ENKUR: variants seen among roughly 807,000 people sequenced by gnomAD.
The protein encoded by ENKUR is enkurin.
In ENKUR, 19 loss-of-function variants were observed where a neutral mutation model predicts 27.6. The observed-to-expected ratio is 0.69, with a 90% CI of 0.48 to 1.01. The LOEUF (loss-of-function observed/expected upper bound fraction) is 1.01, where lower values mean the gene tolerates loss of function less well. ENKUR is among the 50% of genes least tolerant of loss of function. The pLI, the probability that ENKUR is intolerant of heterozygous loss-of-function variation, is 0.00. For missense variants in ENKUR, 312 were observed against 310.5 expected (o/e 1.00, Z -0.04); for synonymous variants, 117 against 96.9 (o/e 1.21, Z -1.22).
At chr10:25,010,439 A>AT (rs374837869) in intron 1 of ENKUR, among the ~76,000 whole-genome samples, 3 of 151,478 alleles carry the variant, frequency 2.0e-5, no homozygotes, top group Non-Finnish European at 2.9e-5. Flanking sequence ...ATTGGAACTC[A>AT]TTTTTTTTAT....
chr10:25,016,723 A>G (rs1196028802), upstream of ENKUR: 1 of 152,336 alleles, frequency 6.6e-6, no homozygotes, highest in Non-Finnish European at 1.5e-5. Context: ...TGGAGGCTTT[A>G]GCGGCTCGTG....
intron 2 of ENKUR, among the ~76,000 whole-genome samples, chr10:25,049,861 G>A (rs988085434): frequency 9.2e-5 from 14 of 151,512 alleles, no homozygotes; most frequent in Non-Finnish European, 1.5e-4. Context: ...AGACAGTAGT[G>A]TATTAGACCA....
At chr10:25,059,060 CT>C (rs1422350297) in intron 2 of ENKUR, among the ~76,000 whole-genome samples, 3 of 151,524 alleles carry the variant, frequency 2.0e-5, no homozygotes, top group Non-Finnish European at 4.4e-5. Context: ...TAGTTTTCCC[CT>C]TTGTAGTCTA....
At chr10:25,007,466 G>A (rs566545756) in intron 1 of ENKUR, among the ~76,000 whole-genome samples, 57 of 152,020 alleles carry the variant, frequency 3.7e-4, no homozygotes, top group African/African-American at 1.3e-3. Context: ...ATGGAGTCTC[G>A]CACTTTCACC....
chr10:25,032,405 T>C (rs1241608804), intron 2 of ENKUR, among the ~76,000 whole-genome samples: 2 of 152,202 alleles, frequency 1.3e-5, no homozygotes, highest in African/African-American at 2.4e-5. Context: ...GTACTATTTC[T>C]GCTCTCACCT....
Position 24,995,643 on chromosome 10 carries a change from T to C in ENKUR, c.447+3A>G, listed in dbSNP as rs1341329427. Reference sequence around the variant, plus strand: ...CCCTCTTATTAATATACCACAAGGCTACCTTTTTATTGATGTACTTTGGAA... The same window carrying C: ...CCCTCTTATTAATATACCACAAGGCCACCTTTTTATTGATGTACTTTGGAA... On this transcript the variant is annotated splice_donor_region_variant and intron_variant, in intron 3 of 5. Coordinates refer to ENST00000331161, the MANE Select transcript of ENKUR (RefSeq NM_145010.4). 3 of 1,607,178 alleles carry C rather than the reference T, an allele frequency of 1.9e-6. No homozygotes were observed. Among genetic ancestry groups the C allele is most frequent in the Non-Finnish European group, 2.5e-6 (3 of 1,177,532 alleles).
intron 1 of ENKUR, 100 bp downstream of exon 1, chr10:25,015,760 C>T (rs1850554334): frequency 8.9e-7 from 1 of 1,121,744 alleles, no homozygotes; most frequent in Non-Finnish European, 1.2e-6. Flanking sequence ...GGCAAAAATA[C>T]ATTTTATTTA....
intron 2 of ENKUR, among the ~76,000 whole-genome samples, chr10:25,040,906 T>G (rs1037488498): frequency 2.6e-5 from 4 of 152,226 alleles, no homozygotes; most frequent in Non-Finnish European, 5.9e-5. Flanking sequence ...ATCCTTTTAA[T>G]AGTCTGCTGT....
At chr10:25,046,712 T>A (rs1228863187) in intron 2 of ENKUR, among the ~76,000 whole-genome samples, 3 of 152,234 alleles carry the variant, frequency 2.0e-5, no homozygotes, top group Non-Finnish European at 4.4e-5. Context: ...TTTCATAGAA[T>A]GAGCCTAAAA....
chr10:25,002,202 C>T (rs1850202425), intron 1 of ENKUR, among the ~76,000 whole-genome samples: 1 of 152,226 alleles, frequency 6.6e-6, no homozygotes, highest in African/African-American at 2.4e-5. Flanking sequence ...CTGGTGGGAA[C>T]ACGAACTTTA....
intron 2 of ENKUR, among the ~76,000 whole-genome samples, chr10:25,055,429 C>G (rs1851243413): frequency 6.6e-6 from 1 of 151,772 alleles, no homozygotes; most frequent in Non-Finnish European, 1.5e-5. Flanking sequence ...TAGCCTTAAC[C>G]CAATGCTCTG....
At chr10:25,014,098 C>T (rs1850511775) in intron 1 of ENKUR, among the ~76,000 whole-genome samples, 1 of 152,206 alleles carries the variant, frequency 6.6e-6, no homozygotes, top group Admixed American at 6.5e-5. Flanking sequence ...AATAGTTCAA[C>T]TGCAGAAAAG....
chr10:24,997,820 T>TATATATATATATATATATATATATATAG (rs1850099170), intron 2 of ENKUR, among the ~76,000 whole-genome samples: 1 of 149,206 alleles, frequency 6.7e-6, no homozygotes, highest in African/African-American at 2.6e-5. Flanking sequence ...TATATATATA[T>TATATATATATATATATATATATATATAG]ATATATGTTT....
At position 25,016,109 on chromosome 10, in the gene ENKUR, G is replaced by A; in HGVS notation, c.-173C>T. Reference sequence around the variant, plus strand: ...AACCCCCTCTTAGCAGTCCTCTCTCGGGAAGAAAACACCCTATTTCTCTCC... The same window carrying A: ...AACCCCCTCTTAGCAGTCCTCTCTCAGGAAGAAAACACCCTATTTCTCTCC... On this transcript the variant is annotated 5_prime_UTR_variant, in exon 1 of 6. Coordinates refer to ENST00000331161, the MANE Select transcript of ENKUR (RefSeq NM_145010.4). 7.8e-7 allele frequency: 1 copy of A among 1,282,634 alleles called. No homozygotes were observed. Among genetic ancestry groups the A allele is most frequent in the Non-Finnish European group, 9.9e-7 (1 of 1,012,502 alleles). 79.5% of individuals were successfully genotyped at this position (1,282,634 alleles called of 1,614,324 possible).
intron 2 of ENKUR, chr10:25,023,030 T>C: frequency 2.0e-6 from 1 of 499,828 alleles, no homozygotes; most frequent in Non-Finnish European, 3.4e-6. Flanking sequence ...AATACTTTTT[T>C]TAATTCCATA....
chr10:25,000,394 T>G (rs1442415969), intron 1 of ENKUR, among the ~76,000 whole-genome samples: 1 of 152,158 alleles, frequency 6.6e-6, no homozygotes, highest in Non-Finnish European at 1.5e-5. Flanking sequence ...ATTCTACTAA[T>G]TATTGAAAGA....
At chr10:25,042,771 C>G (rs1289106367) in intron 2 of ENKUR, among the ~76,000 whole-genome samples, 1 of 151,756 alleles carries the variant, frequency 6.6e-6, no homozygotes, top group Non-Finnish European at 1.5e-5. Flanking sequence ...GGGAGGATTG[C>G]TTAAGCCCAG....
chr10:25,008,511 T>C (rs1257450721), intron 1 of ENKUR, among the ~76,000 whole-genome samples: 1 of 152,190 alleles, frequency 6.6e-6, no homozygotes, highest in African/African-American at 2.4e-5. Context: ...GTTAACAGTA[T>C]TGACACTGAA....
intron 2 of ENKUR, 89 bp from the exon 3 acceptor site, chr10:24,995,958 T>C: frequency 9.6e-7 from 1 of 1,044,070 alleles, no homozygotes; most frequent in Non-Finnish European, 1.4e-6. Context: ...TCACCACTTG[T>C]ATATTGAAGT....
Sources: allele counts gnomAD v4.1 joint callset (sites outside exome capture counted in the v4.1 genomes callset), GRCh38; gene constraint gnomAD v4.1.1; transcripts MANE v1.5; gene names NCBI Gene and HGNC (gene_info 2026-07-23, HGNC 2026-07-21).